The following GABRB2 variants were observed in gnomAD, a reference collection of about 807,000 sequenced individuals.
GABRB2 encodes the protein gamma-aminobutyric acid type A receptor subunit beta2.
GABRB2 carries 16 observed loss-of-function variants against 54.7 expected under a neutral mutation model. The observed-to-expected ratio is 0.29, with a 90% confidence interval of 0.20 to 0.44. GABRB2 has a LOEUF of 0.44. GABRB2 is among the 20% of genes least tolerant of loss of function. The probability of loss-of-function intolerance (pLI) is 1.00; values close to 1 mark genes in which losing one functional copy is unlikely to be tolerated. For missense variants in GABRB2, 355 were observed against 644.0 expected, an observed-to-expected ratio of 0.55 and a Z score of 4.86; for synonymous variants, 244 against 233.8, an observed-to-expected ratio of 1.04 and a Z score of -0.40.
intron 3 of GABRB2, among the ~76,000 whole-genome samples, chr5:161,467,905 AT>A (rs1232379194): frequency 6.6e-6 from 1 of 152,086 alleles, no homozygotes; most frequent in African/African-American, 2.4e-5. Flanking sequence ...CGTGGTATAA[AT>A]TTCCTGTTGG....
chr5:161,459,020 G>A (rs1023021186), intron 4 of GABRB2: 3 of 152,148 alleles, frequency 2.0e-5, no homozygotes, highest in African/African-American at 7.3e-5. Flanking sequence ...CATGCTTTCA[G>A]TACAGAATAA....
intron 4 of GABRB2, among the ~76,000 whole-genome samples, chr5:161,442,486 C>T (rs959796477): frequency 6.6e-6 from 1 of 152,212 alleles, no homozygotes; most frequent in African/African-American, 2.4e-5. Context: ...GAAACCAAAC[C>T]ATGCTGTCCT....
At chr5:161,380,835 A>G (rs994708959) in intron 5 of GABRB2, among the ~76,000 whole-genome samples, 5 of 149,428 alleles carry the variant, frequency 3.3e-5, no homozygotes, top group African/African-American at 1.2e-4. Context: ...CACAATCTTG[A>G]GGTCAGTTTT....
intron 4 of GABRB2, among the ~76,000 whole-genome samples, chr5:161,433,852 T>C (rs2113185076): frequency 6.6e-6 from 1 of 152,292 alleles, no homozygotes; most frequent in Non-Finnish European, 1.5e-5. Context: ...TATAAAGTAA[T>C]TATCTTCCTA....
chr5:161,487,709 A>C (rs762703441), intron 3 of GABRB2, among the ~76,000 whole-genome samples: 2 of 151,890 alleles, frequency 1.3e-5, no homozygotes, highest in Non-Finnish European at 2.9e-5. Context: ...CAATTTCCAG[A>C]GTAGTTGTGA....
chr5:161,333,726 G>T (rs539259013), intron 7 of GABRB2, among the ~76,000 whole-genome samples: 2 of 152,092 alleles, frequency 1.3e-5, no homozygotes, highest in East Asian at 3.9e-4. Context: ...CTGTTGGTTT[G>T]TTCCTACCCA....
intron 9 of GABRB2, among the ~76,000 whole-genome samples, chr5:161,303,779 A>C (rs2113349995): frequency 6.6e-6 from 1 of 152,280 alleles, no homozygotes; most frequent in South Asian, 2.1e-4. Context: ...AACAGAATGA[A>C]AATAACACTA....
intron 3 of GABRB2, among the ~76,000 whole-genome samples, chr5:161,534,657 C>T (rs1287969680): frequency 6.6e-6 from 1 of 151,948 alleles, no homozygotes; most frequent in African/African-American, 2.4e-5. Context: ...AAGAATTAAC[C>T]AAGAGAAATA....
chr5:161,395,530 A>C (rs1245256897), intron 5 of GABRB2, among the ~76,000 whole-genome samples: 1 of 150,058 alleles, frequency 6.7e-6, no homozygotes, highest in African/African-American at 2.5e-5. Flanking sequence ...AAAAAAAGGC[A>C]GACATTTATT....
At chr5:161,370,031 C>T (rs1755088122) in intron 5 of GABRB2, among the ~76,000 whole-genome samples, 1 of 152,084 alleles carries the variant, frequency 6.6e-6, no homozygotes, top group African/African-American at 2.4e-5. Context: ...GTTATCATCT[C>T]AGTGATGGCT....
chr5:161,334,637 G>A, intron 7 of GABRB2, 115 bp downstream of exon 7: 3 of 982,142 alleles, frequency 3.1e-6, no homozygotes, highest in South Asian at 1.6e-5. Flanking sequence ...CTTACAGTGT[G>A]AGAGGTTCAG....
chr5:161,330,785 G>T, intron 8 of GABRB2, 98 bp downstream of exon 8: 5 of 1,525,724 alleles, frequency 3.3e-6, no homozygotes, highest in Non-Finnish European at 4.5e-6. Flanking sequence ...TCTTCCCTGG[G>T]CTTGGTTTCC....
chr5:161,386,449 G>A (rs1277272525), intron 5 of GABRB2, among the ~76,000 whole-genome samples: 3 of 152,124 alleles, frequency 2.0e-5, no homozygotes, highest in Non-Finnish European at 4.4e-5. Context: ...CCAGGAAGCT[G>A]AGTGATATTT....
intron 4 of GABRB2, among the ~76,000 whole-genome samples, chr5:161,426,591 G>T (rs1397016129): frequency 6.6e-6 from 1 of 151,954 alleles, no homozygotes; most frequent in Non-Finnish European, 1.5e-5. Flanking sequence ...ACATCCCCTT[G>T]TACCCAAATG....
intron 8 of GABRB2, chr5:161,327,052 A>G: frequency 1.9e-6 from 1 of 531,022 alleles, no homozygotes; most frequent in Non-Finnish European, 2.4e-6. Context: ...ACACACACAC[A>G]CACACACACA....
intron 3 of GABRB2, among the ~76,000 whole-genome samples, chr5:161,465,534 G>T (rs1397819489): frequency 6.6e-6 from 1 of 151,942 alleles, no homozygotes; most frequent in Non-Finnish European, 1.5e-5. Context: ...TGCTTTTATT[G>T]TCTTTATAGT....
At chr5:161,487,792 A>G (rs1758974130) in intron 3 of GABRB2, among the ~76,000 whole-genome samples, 1 of 151,936 alleles carries the variant, frequency 6.6e-6, no homozygotes, top group Admixed American at 6.6e-5. Flanking sequence ...GATAAATGGT[A>G]GCTGGAGTTA....
intron 3 of GABRB2, among the ~76,000 whole-genome samples, chr5:161,538,657 C>T (rs1293653863): frequency 1.3e-5 from 2 of 152,112 alleles, no homozygotes; most frequent in African/African-American, 4.8e-5. Flanking sequence ...AACCCCATCT[C>T]TATTAAAAAT....
chr5:161,545,420 T>A, intron 2 of GABRB2, 126 bp from the exon 3 acceptor site: 1 of 452,654 alleles, frequency 2.2e-6, no homozygotes, highest in Non-Finnish European at 3.6e-6. Context: ...AATTTTTCAA[T>A]TCTCTGCTTT....
Sources: gnomAD v4.1 joint callset for allele counts (sites outside exome capture counted in the v4.1 genomes callset) on GRCh38, gnomAD v4.1.1 for gene constraint, MANE v1.5 for transcripts, NCBI Gene and HGNC (gene_info 2026-07-23, HGNC 2026-07-21) for gene names.